The following USP47 variants were observed in gnomAD, a reference collection of about 807,000 sequenced individuals.
USP47 encodes ubiquitin carboxyl-terminal hydrolase 47.
In USP47, 35 loss-of-function variants were observed where a neutral mutation model predicts 165.1. The ratio of observed to expected loss-of-function variants is 0.21; its 90% confidence interval spans 0.16 to 0.28. The LOEUF is 0.28. Among genes scored for constraint, USP47 ranks in the 10% least tolerant of loss-of-function variants. USP47 has a pLI of 1.00. For synonymous variants in USP47, 531 were observed against 544.5 expected (o/e 0.98, Z 0.35); for missense variants, 1,277 against 1,607.4 (o/e 0.79, Z 3.52).
At chr11:11,884,626 C>G (rs746579646) in intron 3 of USP47, 46 bp downstream of exon 3, 1 of 1,284,932 alleles carries the variant, frequency 7.8e-7, no homozygotes, top group Non-Finnish European at 1.1e-6. Flanking sequence ...TGTGCACTGT[C>G]ACCTACTACT....
In USP47 at chr11:11,960,192, T is replaced by C. The variant is rs1293788559; in HGVS notation, c.*4017T>C. 6.6e-6 allele frequency among the ~76,000 whole-genome samples: 1 copy of C among 152,184 alleles called. No individual in the cohort carries two copies. The highest frequency in any genetic ancestry group is 1.5e-5 in the Non-Finnish European group (1 of 68,024). ...CTGAACCTCCATAGTGCCTCCAAGA[T>C]GTGCTGTCCCTGCCAACTCCTGCAC... On this transcript the variant is annotated 3_prime_UTR_variant, in exon 28 of 28. Transcript: ENST00000527733.
intron 13 of USP47, 116 bp from the exon 14 acceptor site, chr11:11,930,580 T>C (rs1854594045): frequency 2.6e-6 from 2 of 782,556 alleles, no homozygotes; most frequent in Admixed American, 5.6e-5. Context: ...CTGTGAACAG[T>C]GACATGATTT....
chr11:11,887,414 G>A (rs1483683749), intron 3 of USP47, among the ~76,000 whole-genome samples: 1 of 152,018 alleles, frequency 6.6e-6, no homozygotes, highest in Non-Finnish European at 1.5e-5. Flanking sequence ...ACAGAAAAAA[G>A]CAGGAGTCGC....
chr11:11,935,416 T>C (rs573801562), intron 16 of USP47, among the ~76,000 whole-genome samples: 106 of 152,020 alleles, frequency 7.0e-4, no homozygotes, highest in Non-Finnish European at 1.3e-3. Flanking sequence ...TCTTTAAATA[T>C]AATGGTGGAC....
chr11:11,858,556 G>A (rs958184486), intron 1 of USP47, among the ~76,000 whole-genome samples: 4 of 152,056 alleles, frequency 2.6e-5, no homozygotes, highest in African/African-American at 2.4e-5. Context: ...GTTCTCTGTC[G>A]TCTCTTGTAA....
chr11:11,866,920 C>G (rs1049075040), intron 1 of USP47, among the ~76,000 whole-genome samples: 1 of 151,322 alleles, frequency 6.6e-6, no homozygotes, highest in African/African-American at 2.4e-5. Context: ...TTTTTTGAGA[C>G]GAAGTTTCAC....
chr11:11,955,157 T>C lies in USP47; in HGVS notation c.3886T>C (p.Phe1296Leu), dbSNP rs1267491923. 6 of 1,611,752 alleles carry C rather than the reference T, an allele frequency of 3.7e-6. No homozygotes were observed. Among genetic ancestry groups the C allele is most frequent in the Non-Finnish European group, 5.1e-6 (6 of 1,179,274 alleles). The change falls in exon 27 of 28, where the codon TTT (phenylalanine) becomes CTT (leucine). Residue 1296 changes from phenylalanine to leucine, a missense_variant. Phe to Leu is a conservative substitution (Grantham distance 22). Around this residue, in one of 4 missense-constraint regions of USP47, gnomAD observed 909 missense variants for 1,068.1 expected, o/e 0.85. Coordinates refer to ENST00000527733, the MANE Select transcript of USP47 (RefSeq NM_001282659.2). ...LYICDDGAVIFYRDKTEELME... is the reference protein window; with the variant it reads ...LYICDDGAVILYRDKTEELME... ...TATCTGTGATGATGGTGCGGTCATA[T>C]TTTATAGGTAACATTCACAATGTTT...
intron 11 of USP47, among the ~76,000 whole-genome samples, chr11:11,925,527 A>T (rs1854174334): frequency 6.6e-6 from 1 of 151,626 alleles, no homozygotes. Context: ...TTCTTTTTGG[A>T]TTGTTAGTGT....
At chr11:11,908,362 C>G (rs193226274) in intron 8 of USP47, among the ~76,000 whole-genome samples, 34 of 152,090 alleles carry the variant, frequency 2.2e-4, no homozygotes, top group Admixed American at 5.2e-4. Context: ...TGGTCTCAAA[C>G]TCCTGGCCTC....
chr11:11,944,138 C>T (rs979429536), intron 20 of USP47, among the ~76,000 whole-genome samples: 3 of 149,982 alleles, frequency 2.0e-5, no homozygotes, highest in African/African-American at 7.4e-5. Context: ...TCCATCCAGT[C>T]ATCCACCCAT....
At chr11:11,913,563 T>G (rs1015866832) in intron 8 of USP47, among the ~76,000 whole-genome samples, 1 of 151,924 alleles carries the variant, frequency 6.6e-6, no homozygotes, top group African/African-American at 2.4e-5. Flanking sequence ...AAAATAAAGC[T>G]GATCTCATGA....
intron 1 of USP47, among the ~76,000 whole-genome samples, chr11:11,864,247 C>T (rs1312225572): frequency 6.6e-6 from 1 of 151,774 alleles, no homozygotes; most frequent in Non-Finnish European, 1.5e-5. Context: ...TTATAATATG[C>T]CTATATGTAG....
chr11:11,899,377 A>G (rs1852048000), intron 5 of USP47, among the ~76,000 whole-genome samples: 1 of 152,234 alleles, frequency 6.6e-6, no homozygotes, highest in South Asian at 2.1e-4. Flanking sequence ...ATCAGCAAAC[A>G]TGTATTGGAC....
rs1355466198 is a variant in USP47, at chr11:11,957,658, A to T, written c.*1483A>T. Reference sequence around the variant, plus strand: ...AAGGTATATTTACAGTAAAGTTCTCATAAGAGAAATGAAAAGCTGTGTTAA... The same window carrying T: ...AAGGTATATTTACAGTAAAGTTCTCTTAAGAGAAATGAAAAGCTGTGTTAA... On this transcript the variant is annotated 3_prime_UTR_variant, in exon 28 of 28. Transcript: ENST00000527733. The T allele has an allele frequency of 6.6e-6, 1 of 152,622 alleles. No homozygotes were observed. Among genetic ancestry groups the T allele is most frequent in the African/African-American group, 2.4e-5 (1 of 41,462 alleles). 9.5% of individuals were successfully genotyped at this position (152,622 alleles called of 1,614,324 possible). A position where few individuals can be genotyped will look rare whatever the true frequency, so the allele number is the denominator to read the frequency against.
intron 1 of USP47, among the ~76,000 whole-genome samples, chr11:11,871,017 T>C (rs1329805930): frequency 6.6e-6 from 1 of 152,192 alleles, no homozygotes; most frequent in Non-Finnish European, 1.5e-5. Context: ...CCTGTAGATA[T>C]TCTTGAGTTT....
chr11:11,912,624 CTG>C (rs201726152), intron 8 of USP47, among the ~76,000 whole-genome samples: 2,538 of 151,910 alleles, frequency 0.017, 32 homozygotes, highest in Middle Eastern at 0.034. Context: ...AACACCAGGT[CTG>C]TACAATTTCT....
At chr11:11,885,501 T>C (rs1185583386) in intron 3 of USP47, among the ~76,000 whole-genome samples, 1 of 152,106 alleles carries the variant, frequency 6.6e-6, no homozygotes, top group Non-Finnish European at 1.5e-5. Flanking sequence ...GAAACCACGC[T>C]ACTTTCATGG....
Position 11,920,054 on chromosome 11 carries a change from C to T in USP47, c.970-102C>T, listed in dbSNP as rs1390088858. ...CATTTTGAGTTCCTAAATTTCTAACCATTCTACTTATAACTTTTAGTAATT... is the reference window on the plus strand; with the variant it reads ...CATTTTGAGTTCCTAAATTTCTAACTATTCTACTTATAACTTTTAGTAATT... On this transcript the variant is annotated intron_variant, in intron 8 of 27. Transcript: ENST00000527733. 8 of 816,220 alleles carry T rather than the reference C, an allele frequency of 9.8e-6. No homozygotes were observed. In the South Asian group the frequency reaches 1.2e-4, roughly 13 times the overall value. 50.6% of individuals were successfully genotyped at this position (816,220 alleles called of 1,614,324 possible). A position where few individuals can be genotyped will look rare whatever the true frequency, so the allele number is the denominator to read the frequency against.
At chr11:11,857,635 T>A (rs55701661) in intron 1 of USP47, among the ~76,000 whole-genome samples, 6,667 of 152,270 alleles carry the variant, frequency 0.044, 362 homozygotes, top group African/African-American at 0.12. Context: ...CATTTCACGC[T>A]TACTTCTTAG....
Sources: allele counts gnomAD v4.1 joint callset (sites outside exome capture counted in the v4.1 genomes callset), GRCh38; gene constraint gnomAD v4.1.1; regional missense constraint gnomAD v4.1.1; transcripts MANE v1.5; gene names NCBI Gene and HGNC (gene_info 2026-07-23, HGNC 2026-07-21).